Variants in LRPPRC observed in about 807,000 individuals in gnomAD.
LRPPRC encodes the protein leucine rich pentatricopeptide repeat containing.
Under a neutral mutation model 180.3 loss-of-function variants are expected in LRPPRC, and 120 were observed. The ratio of observed to expected loss-of-function variants is 0.67; its 90% CI spans 0.57 to 0.77. The LOEUF (loss-of-function observed/expected upper bound fraction) is 0.77. Among genes scored for constraint, LRPPRC ranks in the 30% least tolerant of loss-of-function variants. The pLI, the probability that LRPPRC is intolerant of heterozygous loss-of-function variation, is 0.00. For synonymous variants in LRPPRC, 723 were observed against 600.0 expected (o/e 1.21, Z -3.00); for missense variants, 2,012 against 1,657.2 (o/e 1.21, Z -3.72).
At chr2:43,905,321 C>T (rs1671032968) in intron 31 of LRPPRC, among the ~76,000 whole-genome samples, 2 of 152,176 alleles carry the variant, frequency 1.3e-5, no homozygotes, top group Non-Finnish European at 1.5e-5. Flanking sequence ...GTTTCAGATG[C>T]TCTAAAGTAT....
chr2:43,959,231 TAC>T (rs779609232), intron 13 of LRPPRC: 2 of 715,174 alleles, frequency 2.8e-6, no homozygotes, highest in African/African-American at 3.5e-5. Context: ...CTATATAGTA[TAC>T]AGAGTGGAAG....
At chr2:43,926,384 G>A (rs1309599737) in intron 25 of LRPPRC, among the ~76,000 whole-genome samples, 4 of 152,086 alleles carry the variant, frequency 2.6e-5, no homozygotes, top group African/African-American at 9.7e-5. Flanking sequence ...ACATGCATGT[G>A]CTCTTATTTT....
At chr2:43,906,378 A>G (rs376323543) in intron 30 of LRPPRC, among the ~76,000 whole-genome samples, 4 of 152,336 alleles carry the variant, frequency 2.6e-5, no homozygotes, top group African/African-American at 7.2e-5. Flanking sequence ...GCCCTAGCTT[A>G]AGTTTGAAAC....
chr2:43,919,036 A>G (rs1408751908), intron 27 of LRPPRC, among the ~76,000 whole-genome samples: 1 of 152,108 alleles, frequency 6.6e-6, no homozygotes, highest in Non-Finnish European at 1.5e-5. Flanking sequence ...CGGGCTGCAC[A>G]GCAGAATGTG....
chr2:43,925,934 T>C lies in LRPPRC; in HGVS notation c.2764A>G (p.Arg922Gly). 6.2e-7 allele frequency: 1 copy of C among 1,612,418 alleles called. No individual in the cohort carries two copies. Among genetic ancestry groups the C allele is most frequent in the South Asian group, 1.1e-5 (1 of 91,052 alleles). Residue 922 changes from arginine (R) to glycine (G), a missense_variant, in exon 26 of 38, where the codon AGG becomes GGG. Transcript: ENST00000260665. ...CATCTGTCACAAAACCACTGAAGCCTTGCAGATCGAGCTCTAATCCCTGGA... is the reference window on the plus strand; with the variant it reads ...CATCTGTCACAAAACCACTGAAGCCCTGCAGATCGAGCTCTAATCCCTGGA... ...ETPGIRARSARLQWFCDRCVA... is the reference protein window; with the variant it reads ...ETPGIRARSAGLQWFCDRCVA...
chr2:43,945,931 T>G (rs1672664429), intron 21 of LRPPRC, among the ~76,000 whole-genome samples, 182 bp downstream of exon 21: 1 of 144,792 alleles, frequency 6.9e-6, no homozygotes, highest in South Asian at 2.4e-4. Context: ...CAAAGACACC[T>G]TGCTGAACAT....
At chr2:43,950,960 C>G (rs994968390) in intron 14 of LRPPRC, among the ~76,000 whole-genome samples, 2 of 152,174 alleles carry the variant, frequency 1.3e-5, no homozygotes, top group Non-Finnish European at 2.9e-5. Context: ...ATCCAGGCTA[C>G]TCGGGAGGCT....
intron 25 of LRPPRC, among the ~76,000 whole-genome samples, chr2:43,928,805 C>T (rs13421545): frequency 0.62 from 94,599 of 151,892 alleles, 31,295 homozygotes; most frequent in East Asian, 0.96. Context: ...ACCCAAGTAC[C>T]GTCCAAGTAC....
intron 1 of LRPPRC, among the ~76,000 whole-genome samples, chr2:43,985,586 T>C (rs775478062): frequency 3.3e-5 from 5 of 152,246 alleles, no homozygotes; most frequent in Non-Finnish European, 7.3e-5. Flanking sequence ...TCATACAGCA[T>C]GCTGCCCTTT....
In LRPPRC at chr2:43,918,347, T is replaced by G; in HGVS notation, c.2948A>C (p.Glu983Ala). Residue 983 changes from glutamate to alanine, a missense_variant, in exon 28 of 38, where the codon GAA becomes GCA. Coordinates refer to ENST00000260665, the MANE Select transcript of LRPPRC (RefSeq NM_133259.4). Reference sequence around the variant, plus strand: ...CTTTTCACGAGGAATAACATTTTCTTCTTGGATTTTATTCCAGACTGCATC... The same window carrying G: ...CTTTTCACGAGGAATAACATTTTCTGCTTGGATTTTATTCCAGACTGCATC... Reference protein sequence around the residue: ...RADAVWNKIQEENVIPREKTL... With the variant: ...RADAVWNKIQAENVIPREKTL... 1 of 1,610,602 alleles carries G rather than the reference T, an allele frequency of 6.2e-7. No homozygotes were observed. Among genetic ancestry groups the G allele is most frequent in the Non-Finnish European group, 8.5e-7 (1 of 1,176,812 alleles).
chr2:43,925,852 C>CA (rs1671857496), intron 26 of LRPPRC, 41 bp downstream of exon 26: 2 of 1,385,354 alleles, frequency 1.4e-6, no homozygotes, highest in African/African-American at 1.4e-5. Flanking sequence ...GCCTTCTACT[C>CA]ACACTTTTAG....
intron 23 of LRPPRC, among the ~76,000 whole-genome samples, chr2:43,938,277 A>C (rs900833947): frequency 2.0e-5 from 3 of 152,162 alleles, no homozygotes; most frequent in African/African-American, 7.2e-5. Flanking sequence ...AAAGTAAGCA[A>C]TCATTTTAAA....
intron 27 of LRPPRC, among the ~76,000 whole-genome samples, chr2:43,923,466 T>C (rs1339898240): frequency 6.6e-6 from 1 of 152,236 alleles, no homozygotes; most frequent in East Asian, 1.9e-4. Flanking sequence ...TACTCTAGCC[T>C]GGGTGACCCT....
At chr2:43,993,532 G>C (rs757354168) in intron 1 of LRPPRC, among the ~76,000 whole-genome samples, 1 of 152,134 alleles carries the variant, frequency 6.6e-6, no homozygotes, top group Non-Finnish European at 1.5e-5. Flanking sequence ...GAAACTTCTA[G>C]AGTAAACAGA....
chr2:43,970,656 T>C (rs1438701462), intron 11 of LRPPRC, among the ~76,000 whole-genome samples: 1 of 152,162 alleles, frequency 6.6e-6, no homozygotes, highest in Non-Finnish European at 1.5e-5. Context: ...ATTTAAAAAG[T>C]TTAATGAGAA....
chr2:43,971,347 G>C (rs1017660782), intron 11 of LRPPRC, among the ~76,000 whole-genome samples: 8 of 151,738 alleles, frequency 5.3e-5, no homozygotes, highest in African/African-American at 1.9e-4. Context: ...ATACTAGTAA[G>C]ATGAGCCATG....
chr2:43,962,256 A>C (rs1159085718), intron 12 of LRPPRC, among the ~76,000 whole-genome samples: 1 of 152,208 alleles, frequency 6.6e-6, no homozygotes, highest in Non-Finnish European at 1.5e-5. Context: ...TATGTGGGAA[A>C]GTTACTTAAA....
At chr2:43,940,184 A>G (rs761814818) in intron 23 of LRPPRC, among the ~76,000 whole-genome samples, 4 of 152,166 alleles carry the variant, frequency 2.6e-5, no homozygotes, top group African/African-American at 4.8e-5. Context: ...TGATGATGCT[A>G]AATTCTTAAT....
At chr2:43,946,393 A>C in intron 20 of LRPPRC, 150 bp from the exon 21 acceptor site, 1 of 665,544 alleles carries the variant, frequency 1.5e-6, no homozygotes, top group East Asian at 2.8e-5. Flanking sequence ...GCCCCTTGAT[A>C]TTTTTATTCA....
Sources: gnomAD v4.1 joint callset for allele counts (sites outside exome capture counted in the v4.1 genomes callset) on GRCh38, gnomAD v4.1.1 for gene constraint, MANE v1.5 for transcripts, NCBI Gene and HGNC (gene_info 2026-07-23, HGNC 2026-07-21) for gene names.